PINX1: variants seen among roughly 807,000 people sequenced by gnomAD.
PINX1 encodes the protein PIN2/TERF1-interacting telomerase inhibitor 1.
In PINX1, 34 loss-of-function variants were observed where a neutral mutation model predicts 25.4. The ratio of observed to expected loss-of-function variants is 1.34; its 90% CI spans 1.02 to 1.78. PINX1 has a LOEUF of 1.78. Among genes scored for constraint, PINX1 ranks in the 40% most tolerant of loss-of-function variants. The pLI is 0.00. For missense variants in PINX1, 592 were observed against 404.9 expected, an observed-to-expected ratio of 1.46 and a Z score of -3.97; for synonymous variants, 197 against 147.7, an observed-to-expected ratio of 1.33 and a Z score of -2.42.
intron 6 of PINX1, among the ~76,000 whole-genome samples, chr8:10,810,623 C>T (rs566996775): frequency 6.6e-6 from 1 of 152,136 alleles, no homozygotes; most frequent in Non-Finnish European, 1.5e-5. Context: ...CACGGGGATC[C>T]CAGTCTCCTA....
intron 6 of PINX1, among the ~76,000 whole-genome samples, chr8:10,807,273 ACTTAC>A (rs1802480218): frequency 6.6e-6 from 1 of 150,616 alleles, no homozygotes; most frequent in Non-Finnish European, 1.5e-5. Context: ...TGACAGCAAA[ACTTAC>A]CTTATAATAA....
chr8:10,788,784 G>A (rs1801831091), intron 6 of PINX1, among the ~76,000 whole-genome samples: 1 of 152,136 alleles, frequency 6.6e-6, no homozygotes, highest in South Asian at 2.1e-4. Context: ...AAGGCAGAAA[G>A]GTGACCCCAT....
chr8:10,795,464 G>A (rs751674549), intron 6 of PINX1, among the ~76,000 whole-genome samples: 11 of 152,182 alleles, frequency 7.2e-5, no homozygotes, highest in East Asian at 1.9e-4. Flanking sequence ...GCGGTGGCGC[G>A]ATCTCGGCTC....
rs201301380 is a variant in PINX1 at position 10,765,516 on chromosome 8, A to G, written c.872T>C (p.Leu291Pro). The G allele has an allele frequency of 3.1e-5, 50 of 1,613,576 alleles. 1 individual carries two copies. In the Middle Eastern group the frequency reaches 1.5e-3, roughly 48 times the overall value. Residue 291 changes from leucine (L) to proline (P), a missense_variant, in exon 7 of 7, where the codon CTG becomes CCG. Leu to Pro is a moderately conservative substitution (Grantham distance 98). Coordinates refer to ENST00000314787, the MANE Select transcript of PINX1 (RefSeq NM_017884.6). ...VQPPEGRDFT[L>P]KPKKRRGKKK... ...CTTCCCTCTCCTCTTTTTGGGCTTC[A>G]GGGTGAAGTCCCGGCCCTCAGGCGG...
chr8:10,821,351 T>C (rs956703508), intron 5 of PINX1, among the ~76,000 whole-genome samples: 1 of 152,230 alleles, frequency 6.6e-6, no homozygotes, highest in South Asian at 2.1e-4. Flanking sequence ...TTCAATTTAA[T>C]GCAAAACCAG....
chr8:10,790,211 C>G (rs1481224297), intron 6 of PINX1, among the ~76,000 whole-genome samples: 1 of 152,116 alleles, frequency 6.6e-6, no homozygotes, highest in Non-Finnish European at 1.5e-5. Flanking sequence ...AGCGATCTAA[C>G]GGGGCTGAAT....
chr8:10,798,342 C>T (rs925792901), intron 6 of PINX1, among the ~76,000 whole-genome samples: 1 of 152,150 alleles, frequency 6.6e-6, no homozygotes, highest in South Asian at 2.1e-4. Flanking sequence ...ACTTCCAGGC[C>T]CTCCCAAATC....
At chr8:10,774,511 C>T (rs903375851) in intron 6 of PINX1, among the ~76,000 whole-genome samples, 1 of 152,140 alleles carries the variant, frequency 6.6e-6, no homozygotes, top group African/African-American at 2.4e-5. Flanking sequence ...GAACTCCCGA[C>T]CTCAGGTGAT....
In PINX1 at chr8:10,780,039, AG is replaced by A. The variant is rs1340987251; in HGVS notation, c.472-14124del. On this transcript the variant is annotated intron_variant, in intron 6 of 6. Transcript: ENST00000314787. ...AGTACTCAGGTCATTATCTGTGTAT[AG>A]AGATACCAGAGATTTTTGTATGTTG... 2.6e-5 allele frequency among the ~76,000 whole-genome samples: 4 copies of A among 152,338 alleles called. No homozygotes were observed. The East Asian group carries it at 7.7e-4, about 29-fold the overall frequency.
chr8:10,765,929 G>A lies in PINX1; in HGVS notation c.472-13C>T. 1 of 1,610,170 alleles carries A rather than the reference G, an allele frequency of 6.2e-7. No homozygotes were observed. The highest frequency in any genetic ancestry group is 8.5e-7 in the Non-Finnish European group (1 of 1,178,340). The stretch of plus-strand genomic sequence containing the variant: ...GACTGGCATCGCCCTATGGTGGGCA[G>A]AAGAGTTAAAAGGCAGGTAAGCATC... On this transcript the variant is annotated splice_polypyrimidine_tract_variant and intron_variant, in intron 6 of 6. Transcript: ENST00000314787.
rs1802517947 is a variant in PINX1, at chr8:10,808,239, C to T, written c.471+11954G>A. 2.0e-5 allele frequency among the ~76,000 whole-genome samples: 3 copies of T among 152,122 alleles called. 1 individual carries two copies. In the South Asian group the frequency reaches 6.2e-4, roughly 32 times the overall value. ...GATCTTAATCTACCAAAACAGAAGT[C>T]CACATTTTAAAAATTATGACATGGA... On this transcript the variant is annotated intron_variant, in intron 6 of 6. Transcript: ENST00000314787.
At chr8:10,772,019 T>C (rs1180718570) in intron 6 of PINX1, among the ~76,000 whole-genome samples, 1 of 152,178 alleles carries the variant, frequency 6.6e-6, no homozygotes, top group Non-Finnish European at 1.5e-5. Context: ...AGGGGACAAG[T>C]CAATTGGAAA....
At position 10,765,717 on chromosome 8, in the gene PINX1, A is replaced by C. The variant is rs781438199; in HGVS notation, c.671T>G (p.Val224Gly). 13 of 1,613,648 alleles carry C rather than the reference A, an allele frequency of 8.1e-6. No individual in the cohort carries two copies. The East Asian group carries it at 1.8e-4, about 22-fold the overall frequency. Residue 224 changes from valine (V) to glycine (G), a missense_variant, in exon 7 of 7, where the codon GTG becomes GGG. Val to Gly is a moderately radical substitution (Grantham distance 109). Transcript: ENST00000314787. ...GGCCTTAGGCTGGAGGTAACTTTCC[A>C]CATCTTTACCTGTGGCCTCTTTATT... Reference protein sequence around the residue: ...KRNKEATGKDVESYLQPKAKR... With the variant: ...KRNKEATGKDGESYLQPKAKR...
chr8:10,807,301 A>T (rs1308295782), intron 6 of PINX1, among the ~76,000 whole-genome samples: 1 of 147,856 alleles, frequency 6.8e-6, no homozygotes, highest in Non-Finnish European at 1.5e-5. Flanking sequence ...AGGTTGGAAA[A>T]TAAAAATCAA....
chr8:10,828,635 C>A (rs1798128779), intron 4 of PINX1, among the ~76,000 whole-genome samples: 1 of 152,202 alleles, frequency 6.6e-6, no homozygotes, highest in Non-Finnish European at 1.5e-5. Flanking sequence ...ACCTTCTCAG[C>A]ATGCAGGTAT....
chr8:10,811,410 C>G (rs1018868398), intron 6 of PINX1, among the ~76,000 whole-genome samples: 14 of 152,252 alleles, frequency 9.2e-5, no homozygotes, highest in African/African-American at 2.9e-4. Context: ...ATATTTGATA[C>G]CAGGTATCAA....
chr8:10,787,928 AC>A (rs1801802629), intron 6 of PINX1: 1 of 388,162 alleles, frequency 2.6e-6, no homozygotes, highest in Admixed American at 3.3e-5. Context: ...AGATTCAAAT[AC>A]ATATTCAAAG....
chr8:10,825,594 G>C (rs896598886), intron 5 of PINX1, among the ~76,000 whole-genome samples: 12 of 152,190 alleles, frequency 7.9e-5, no homozygotes, highest in African/African-American at 2.9e-4. Flanking sequence ...TGAAGGAATA[G>C]GAATTCTCAC....
intron 6 of PINX1, among the ~76,000 whole-genome samples, chr8:10,816,582 GACT>G (rs1308156856): frequency 1.3e-5 from 2 of 152,170 alleles, no homozygotes; most frequent in Admixed American, 1.3e-4. Context: ...GCTCACCTCT[GACT>G]ACAGGTAAGG....
Sources: gnomAD v4.1 joint callset for allele counts (sites outside exome capture counted in the v4.1 genomes callset) on GRCh38, gnomAD v4.1.1 for gene constraint, MANE v1.5 for transcripts, NCBI Gene and HGNC (gene_info 2026-07-23, HGNC 2026-07-21) for gene names.